The following FSTL4 variants were observed in gnomAD, a reference collection of about 807,000 sequenced individuals.
FSTL4 encodes follistatin-related protein 4.
Under a neutral mutation model 78.2 loss-of-function variants are expected in FSTL4, and 28 were observed. The observed-to-expected ratio is 0.36, with a 90% CI of 0.27 to 0.49. FSTL4 has a LOEUF of 0.49. FSTL4 is among the 20% of genes least tolerant of loss of function. The pLI is 0.98. For missense variants in FSTL4, 922 were observed against 1,084.9 expected (o/e 0.85, Z 2.11); for synonymous variants, 422 against 440.5 (o/e 0.96, Z 0.53).
chr5:133,692,788 C>T, the FSTL4 span, among the ~76,000 whole-genome samples: 3 of 152,160 alleles, frequency 2.0e-5, no homozygotes, highest in Admixed American at 2.0e-4. Context: ...CCTCCCCATC[C>T]TGCTTATTAT....
At chr5:133,249,045 C>T (rs116824026) in intron 7 of FSTL4, among the ~76,000 whole-genome samples, 97 of 152,340 alleles carry the variant, frequency 6.4e-4, no homozygotes, top group African/African-American at 2.2e-3. Context: ...AGCTGTGGAG[C>T]CTGCTGCTCT....
chr5:133,360,754 C>T (rs565451684), intron 4 of FSTL4, among the ~76,000 whole-genome samples: 1 of 152,208 alleles, frequency 6.6e-6, no homozygotes, highest in South Asian at 2.1e-4. Context: ...CAGTTAAGAG[C>T]GGCAATGCAT....
At chr5:133,573,401 A>G (rs1760204115) in intron 2 of FSTL4, among the ~76,000 whole-genome samples, 1 of 152,252 alleles carries the variant, frequency 6.6e-6, no homozygotes, top group Admixed American at 6.5e-5. Context: ...AAGAATTTAA[A>G]TGATAAACCA....
rs191746919 is a variant in FSTL4, at chr5:133,238,637, G to C, written c.895-5100C>G. Among the ~76,000 whole-genome samples the C allele has an allele frequency of 2.3e-3, 352 of 152,376 alleles. 1 individual carries two copies. Among genetic ancestry groups the C allele is most frequent in the Non-Finnish European group, 4.2e-3 (283 of 68,036 alleles). ...ACATGGACACATGCAGTACATGCGA[G>C]TGTGCACACATGGGGGAGGGAGCGC... On this transcript the variant is annotated intron_variant, in intron 7 of 15. Coordinates refer to ENST00000265342, the MANE Select transcript of FSTL4 (RefSeq NM_015082.2).
chr5:133,490,182 C>A (rs1758228465), intron 3 of FSTL4, among the ~76,000 whole-genome samples: 1 of 150,910 alleles, frequency 6.6e-6, no homozygotes. Flanking sequence ...GCCGGAATGT[C>A]CTACAATAGA....
chr5:133,597,430 T>TA (rs1267473645), intron 2 of FSTL4, among the ~76,000 whole-genome samples: 1 of 152,206 alleles, frequency 6.6e-6, no homozygotes, highest in Non-Finnish European at 1.5e-5. Flanking sequence ...ATGCACAGCC[T>TA]GATGTCTTCA....
At chr5:133,794,107 G>C in the FSTL4 span, among the ~76,000 whole-genome samples, 1 of 152,062 alleles carries the variant, frequency 6.6e-6, no homozygotes, top group Admixed American at 6.5e-5. Flanking sequence ...CTGCACCTCT[G>C]GAGCTCCGGG....
chr5:133,829,377 C>T, the FSTL4 span, among the ~76,000 whole-genome samples: 7 of 136,558 alleles, frequency 5.1e-5, no homozygotes, highest in Admixed American at 3.8e-4. Context: ...CAGAGTGAGA[C>T]TCTGTCTCAA....
At chr5:133,670,847 A>G in the FSTL4 span, among the ~76,000 whole-genome samples, 6 of 152,234 alleles carry the variant, frequency 3.9e-5, no homozygotes, top group African/African-American at 1.4e-4. Flanking sequence ...TTTGATCAGA[A>G]GGCAGACTGG....
In FSTL4 at chr5:133,374,723, A is replaced by ATC. The variant is rs111630345; in HGVS notation, c.409+26013_409+26014dup. Among the ~76,000 whole-genome samples the ATC allele has an allele frequency of 5.7e-4, 85 of 148,980 alleles. 1 individual carries two copies. The East Asian group carries it at 8.0e-3, about 14-fold the overall frequency. On this transcript the variant is annotated intron_variant, in intron 4 of 15. Coordinates refer to ENST00000265342, the MANE Select transcript of FSTL4 (RefSeq NM_015082.2). ...TTTAAAAAAAAGACAGGAAGAGATGATCTCTCTCTCTCTCTCTCTACCATG... is the reference window on the plus strand; with the variant it reads ...TTTAAAAAAAAGACAGGAAGAGATGATCTCTCTCTCTCTCTCTCTCTACCATG...
chr5:133,578,598 T>C (rs1186866945), intron 2 of FSTL4, among the ~76,000 whole-genome samples: 1 of 152,264 alleles, frequency 6.6e-6, no homozygotes, highest in African/African-American at 2.4e-5. Flanking sequence ...TAGGTGCCCA[T>C]CTTCAGAAAT....
intron 3 of FSTL4, among the ~76,000 whole-genome samples, chr5:133,522,565 G>A (rs1308174340): frequency 1.3e-5 from 2 of 152,122 alleles, no homozygotes; most frequent in Admixed American, 6.5e-5. Flanking sequence ...ATATAATGCT[G>A]ATGCAGACAT....
chr5:133,633,433 C>T, the FSTL4 span, among the ~76,000 whole-genome samples: 5 of 152,124 alleles, frequency 3.3e-5, no homozygotes, highest in Non-Finnish European at 5.9e-5. Flanking sequence ...TTTATTTGTT[C>T]CTGTATCTTT....
intron 3 of FSTL4, among the ~76,000 whole-genome samples, chr5:133,493,606 A>G (rs1343974780): frequency 6.6e-6 from 1 of 152,088 alleles, no homozygotes; most frequent in African/African-American, 2.4e-5. Flanking sequence ...CTGTCCTGGG[A>G]TGGAGATAAA....
At chr5:133,428,546 A>G (rs1395996118) in intron 3 of FSTL4, among the ~76,000 whole-genome samples, 1 of 152,228 alleles carries the variant, frequency 6.6e-6, no homozygotes, top group Non-Finnish European at 1.5e-5. Context: ...CATCCTGGGC[A>G]TGAGACCTGT....
At chr5:133,379,944 T>G (rs10071817) in intron 4 of FSTL4, among the ~76,000 whole-genome samples, 22,775 of 151,850 alleles carry the variant, frequency 0.15, 1,819 homozygotes, top group African/African-American at 0.19. Flanking sequence ...GTGTGGTGGC[T>G]TGCGCCTGTA....
chr5:133,292,794 C>T (rs1753297689), intron 6 of FSTL4, among the ~76,000 whole-genome samples: 1 of 151,864 alleles, frequency 6.6e-6, no homozygotes, highest in Admixed American at 6.6e-5. Context: ...TACAGCAACT[C>T]CCAGGGCATT....
intron 6 of FSTL4, among the ~76,000 whole-genome samples, chr5:133,303,275 A>T (rs1187820120): frequency 6.6e-6 from 1 of 152,186 alleles, no homozygotes; most frequent in African/African-American, 2.4e-5. Context: ...GGGGCTAAAG[A>T]GCTGCTCAGG....
chr5:133,498,998 T>TACACACACACACAC (rs142906885), intron 3 of FSTL4, among the ~76,000 whole-genome samples: 76 of 147,080 alleles, frequency 5.2e-4, no homozygotes, highest in African/African-American at 1.9e-3. Flanking sequence ...AGCAACAAAT[T>TACACACACACACAC]ACACACACAC....
Sources: gnomAD v4.1 joint callset for allele counts (sites outside exome capture counted in the v4.1 genomes callset) on GRCh38, gnomAD v4.1.1 for gene constraint, MANE v1.5 for transcripts, NCBI Gene and HGNC (gene_info 2026-07-23, HGNC 2026-07-21) for gene names.